TNNI3K: variants seen among roughly 807,000 people sequenced by gnomAD.
The protein encoded by TNNI3K is serine/threonine-protein kinase TNNI3K.
TNNI3K carries 140 observed loss-of-function variants against 114.5 expected under a neutral mutation model. The observed-to-expected ratio is 1.22, with a 90% CI of 1.07 to 1.41. The LOEUF (loss-of-function observed/expected upper bound fraction) is 1.41, where lower values mean the gene tolerates loss of function less well. Ranked by LOEUF, TNNI3K falls within the 40% of genes most tolerant of loss-of-function variation. The pLI, the probability that TNNI3K is intolerant of heterozygous loss-of-function variation, is 0.00. For synonymous variants in TNNI3K, 347 were observed against 347.5 expected (o/e 1.00, Z 0.02); for missense variants, 1,125 against 1,007.6 (o/e 1.12, Z -1.58).
At chr1:74,531,208 C>T (rs1276326005) in intron 23 of TNNI3K, among the ~76,000 whole-genome samples, 3 of 152,204 alleles carry the variant, frequency 2.0e-5, no homozygotes, top group African/African-American at 7.2e-5. Flanking sequence ...TGCTTTGGCA[C>T]TTGCCCATTC....
chr1:74,316,983 A>G (rs1231253424), intron 5 of TNNI3K, among the ~76,000 whole-genome samples: 2 of 151,938 alleles, frequency 1.3e-5, no homozygotes, highest in Non-Finnish European at 2.9e-5. Context: ...ACAGGCGTAA[A>G]CCACTGTGCC....
At chr1:74,333,627 A>G (rs1570477351) in intron 6 of TNNI3K, among the ~76,000 whole-genome samples, 1 of 152,242 alleles carries the variant, frequency 6.6e-6, no homozygotes, top group Admixed American at 6.5e-5. Context: ...AAGGCAGCAC[A>G]TAAGTAATTT....
chr1:74,510,364 C>T (rs1226846813), intron 23 of TNNI3K, among the ~76,000 whole-genome samples: 4 of 151,958 alleles, frequency 2.6e-5, no homozygotes, highest in Admixed American at 6.6e-5. Context: ...AAATATTAGC[C>T]GGGCATGGTG....
chr1:74,522,404 T>C (rs1646445807), intron 23 of TNNI3K, among the ~76,000 whole-genome samples: 1 of 152,156 alleles, frequency 6.6e-6, no homozygotes, highest in South Asian at 2.1e-4. Flanking sequence ...AGACAGGATT[T>C]CCTTTCAGCT....
intron 20 of TNNI3K, among the ~76,000 whole-genome samples, chr1:74,449,552 G>A (rs928574295): frequency 1.3e-4 from 20 of 151,874 alleles, no homozygotes; most frequent in African/African-American, 4.4e-4. Flanking sequence ...ATAAAAGGAT[G>A]GAGGAAGATC....
At chr1:74,449,486 C>G (rs1442394925) in intron 20 of TNNI3K, among the ~76,000 whole-genome samples, 1 of 151,956 alleles carries the variant, frequency 6.6e-6, no homozygotes, top group African/African-American at 2.4e-5. Context: ...CAAGACCCAT[C>G]AGTGTGCTGT....
intron 2 of TNNI3K, chr1:74,240,218 A>G (rs531647567): frequency 6.4e-5 from 13 of 204,030 alleles, no homozygotes; most frequent in African/African-American, 2.3e-4. Context: ...TGTAAAACAA[A>G]CTAATAACTT....
chr1:74,316,488 C>T (rs1049946890), intron 5 of TNNI3K, among the ~76,000 whole-genome samples: 9 of 152,032 alleles, frequency 5.9e-5, no homozygotes, highest in Non-Finnish European at 1.0e-4. Flanking sequence ...GCATGCCAGG[C>T]ATGCTCCTGC....
intron 17 of TNNI3K, among the ~76,000 whole-genome samples, chr1:74,434,403 C>T (rs935489369): frequency 6.6e-6 from 1 of 152,020 alleles, no homozygotes; most frequent in Non-Finnish European, 1.5e-5. Context: ...ATCTCCTTTA[C>T]ACTACCGTAT....
chr1:74,451,660 T>C (rs1339190378), intron 20 of TNNI3K, among the ~76,000 whole-genome samples: 4 of 48,842 alleles, frequency 8.2e-5, no homozygotes, highest in African/African-American at 2.3e-4. Flanking sequence ...CCTTTCTTTT[T>C]TCTTTTCTTT....
chr1:74,241,950 C>T (rs1368617891), intron 2 of TNNI3K, among the ~76,000 whole-genome samples: 6 of 151,456 alleles, frequency 4.0e-5, no homozygotes, highest in South Asian at 4.2e-4. Flanking sequence ...CCTGGATTCA[C>T]GCCATTCTCC....
intron 17 of TNNI3K, among the ~76,000 whole-genome samples, chr1:74,406,678 C>T (rs2100602419): frequency 6.6e-6 from 1 of 152,170 alleles, no homozygotes; most frequent in Non-Finnish European, 1.5e-5. Flanking sequence ...TTATTTTTGC[C>T]ATGTACAGTT....
At chr1:74,325,191 C>T (rs576211475) in intron 5 of TNNI3K, among the ~76,000 whole-genome samples, 1 of 152,336 alleles carries the variant, frequency 6.6e-6, no homozygotes, top group Admixed American at 6.5e-5. Flanking sequence ...TACTTACCCA[C>T]AGACTGTGTT....
At chr1:74,289,240 T>C (rs1397934815) in intron 5 of TNNI3K, among the ~76,000 whole-genome samples, 1 of 152,016 alleles carries the variant, frequency 6.6e-6, no homozygotes, top group Non-Finnish European at 1.5e-5. Context: ...ACTTAAAAAA[T>C]GGATATATGC....
Position 74,395,476 on chromosome 1 carries a change from G to A in TNNI3K, c.1772+25084G>A, listed in dbSNP as rs1664030039. Reference sequence around the variant, plus strand: ...CTGAGACTGTTATTCAGGAGATGATGAAAGTGACACAGGGAGAAAAGCTGG... The same window carrying A: ...CTGAGACTGTTATTCAGGAGATGATAAAAGTGACACAGGGAGAAAAGCTGG... On this transcript the variant is annotated intron_variant, in intron 17 of 24. Transcript: ENST00000326637. 2.0e-5 allele frequency among the ~76,000 whole-genome samples: 3 copies of A among 152,188 alleles called. No individual in the cohort carries two copies. In the South Asian group the frequency reaches 6.2e-4, roughly 32 times the overall value.
At chr1:74,358,219 T>A (rs962746816) in intron 11 of TNNI3K, among the ~76,000 whole-genome samples, 6 of 152,052 alleles carry the variant, frequency 3.9e-5, no homozygotes, top group African/African-American at 1.4e-4. Context: ...TAAAGTAATA[T>A]ACAGAGGCTC....
At chr1:74,541,734 C>T (rs1022128824) in intron 24 of TNNI3K, 2 of 152,136 alleles carry the variant, frequency 1.3e-5, no homozygotes, top group South Asian at 4.1e-4. Context: ...CTATGCATAC[C>T]TGTCTCAGGG....
chr1:74,468,632 G>A (rs989389868), intron 21 of TNNI3K: 3 of 152,092 alleles, frequency 2.0e-5, no homozygotes, highest in Non-Finnish European at 4.4e-5. Context: ...AAAAGAGGCG[G>A]GGTATGTAGG....
intron 5 of TNNI3K, among the ~76,000 whole-genome samples, chr1:74,273,542 T>C (rs531221689): frequency 2.6e-5 from 4 of 152,088 alleles, no homozygotes; most frequent in African/African-American, 9.6e-5. Context: ...TTTCCTAATG[T>C]TGTTTTGATG....
Sources: allele counts gnomAD v4.1 joint callset (sites outside exome capture counted in the v4.1 genomes callset), GRCh38; gene constraint gnomAD v4.1.1; transcripts MANE v1.5; gene names NCBI Gene and HGNC (gene_info 2026-07-23, HGNC 2026-07-21).